CYFIP1: variants seen among roughly 807,000 people sequenced by gnomAD.
CYFIP1 encodes the protein cytoplasmic FMR1 interacting protein 1.
A neutral mutation model predicts 163.5 loss-of-function variants in CYFIP1; 58 were observed. That is an observed-to-expected ratio of 0.35 (90% CI 0.29 to 0.44). The LOEUF is 0.44. Ranked by LOEUF, CYFIP1 falls within the 20% of genes least tolerant of loss-of-function variation. The probability of loss-of-function intolerance (pLI) is 1.00; values close to 1 mark genes in which losing one functional copy is unlikely to be tolerated. For synonymous variants in CYFIP1, 663 were observed against 660.7 expected (o/e 1.00, Z -0.05); for missense variants, 1,338 against 1,653.8 (o/e 0.81, Z 3.31).
At chr15:22,908,465 A>T (rs939368145) in intron 21 of CYFIP1, among the ~76,000 whole-genome samples, 1 of 151,192 alleles carries the variant, frequency 6.6e-6, no homozygotes, top group Non-Finnish European at 1.5e-5. Context: ...TAGGGGTAGA[A>T]GAATTAGCAG....
intron 26 of CYFIP1, among the ~76,000 whole-genome samples, chr15:22,875,841 TAC>T (rs2059567497): frequency 1.4e-5 from 2 of 144,194 alleles, no homozygotes; most frequent in South Asian, 4.3e-4. Flanking sequence ...CAAGCTCCTT[TAC>T]AGAGGTAATA....
At chr15:22,881,620 G>C (rs767926267) in intron 25 of CYFIP1, among the ~76,000 whole-genome samples, 3 of 152,134 alleles carry the variant, frequency 2.0e-5, no homozygotes, top group Non-Finnish European at 4.4e-5. Flanking sequence ...GGGTGCCCGA[G>C]AGCGTGGTGT....
intron 25 of CYFIP1, among the ~76,000 whole-genome samples, chr15:22,880,684 T>C (rs555634289): frequency 2.8e-4 from 42 of 152,236 alleles, no homozygotes; most frequent in African/African-American, 9.9e-4. Flanking sequence ...GGGCCTAAAC[T>C]ACCCTGGGAA....
chr15:22,961,717 T>C (rs563134667), intron 1 of CYFIP1, among the ~76,000 whole-genome samples: 2 of 152,252 alleles, frequency 1.3e-5, no homozygotes, highest in Admixed American at 6.5e-5. Flanking sequence ...GCTTGGGTTG[T>C]TTGCCTGTTT....
chr15:22,883,605 C>T (rs1343476425), intron 23 of CYFIP1, among the ~76,000 whole-genome samples: 2 of 152,078 alleles, frequency 1.3e-5, no homozygotes. Flanking sequence ...ATCACAAGGT[C>T]AGGAGATGGA....
At position 22,927,886 on chromosome 15, in the gene CYFIP1, G is replaced by C. The variant is rs775741801; in HGVS notation, c.1233+20C>G. 2 of 1,586,848 alleles carry C rather than the reference G, an allele frequency of 1.3e-6. No individual in the cohort carries two copies. Among genetic ancestry groups the C allele is most frequent in the Middle Eastern group, 1.7e-4 (1 of 5,948 alleles). ...CCGAGGCAGCTTTGGAGCGGGGCTGGGGTCGGGGACGGGGCCTACCACTTC... is the reference window on the plus strand; with the variant it reads ...CCGAGGCAGCTTTGGAGCGGGGCTGCGGTCGGGGACGGGGCCTACCACTTC... On this transcript the variant is annotated intron_variant, in intron 12 of 30. Transcript: ENST00000617928.
chr15:22,976,917 A>T (rs2063300760), intron 1 of CYFIP1, among the ~76,000 whole-genome samples: 1 of 152,098 alleles, frequency 6.6e-6, no homozygotes, highest in African/African-American at 2.4e-5. Context: ...TAAGGTCGCC[A>T]GGCCGGGCCC....
At chr15:22,918,606 T>C in intron 14 of CYFIP1, 86 bp downstream of exon 14, 1 of 1,239,524 alleles carries the variant, frequency 8.1e-7, no homozygotes, top group Non-Finnish European at 1.1e-6. Flanking sequence ...AAATCATTTT[T>C]GAGAATTTAA....
intron 1 of CYFIP1, among the ~76,000 whole-genome samples, chr15:22,964,302 ACACACACACAC>A (rs1318014179): frequency 9.7e-5 from 11 of 113,478 alleles, no homozygotes; most frequent in African/African-American, 4.0e-4. Flanking sequence ...ACACACACAC[ACACACACACAC>A]AACTGGCGGC....
chr15:22,965,729 G>C (rs765595222), intron 1 of CYFIP1, among the ~76,000 whole-genome samples: 1 of 152,150 alleles, frequency 6.6e-6, no homozygotes, highest in Non-Finnish European at 1.5e-5. Context: ...CAGGGATAAC[G>C]AATTAGGCTT....
Position 22,912,209 on chromosome 15 carries a change from C to T in CYFIP1, c.2052G>A (p.Lys684=), listed in dbSNP as rs754507006. The T allele has an allele frequency of 6.2e-6, 10 of 1,613,998 alleles. No individual in the cohort carries two copies. In the Admixed American group the frequency reaches 1.0e-4, roughly 16 times the overall value. Residue 684 remains lysine, a synonymous_variant, in exon 18 of 31, where the codon AAG becomes AAA. Coordinates refer to ENST00000617928, the MANE Select transcript of CYFIP1 (RefSeq NM_014608.6). ...CCTCAATTTCGTCGTACAGGAACTG[C>T]TTGTTGAACCTGGTGAGCGCGTAGT... is the stretch of plus-strand genomic sequence containing the variant. The part of the protein sequence containing the change: ...SAHYALTRFN[K]QFLYDEIEAE...
At chr15:22,927,813 G>C in intron 12 of CYFIP1, 93 bp downstream of exon 12, 1 of 1,311,748 alleles carries the variant, frequency 7.6e-7, no homozygotes. Context: ...TCTTTCTAGG[G>C]CCAAAGATAA....
chr15:22,867,413 C>G lies in CYFIP1; in HGVS notation c.*2615G>C. ...AACAAAAAAAAGGGCAGAAATCACC[C>G]CAAGGAACGATTTCTCAGGTTGAGA... On this transcript the variant is annotated 3_prime_UTR_variant, in exon 31 of 31. Transcript: ENST00000617928. The G allele has an allele frequency of 2.7e-6, 1 of 376,908 alleles. No homozygotes were observed. The highest frequency in any genetic ancestry group is 6.8e-4 in the Middle Eastern group (1 of 1,468). The allele number at this position is 376,908 out of a possible 1,614,324, so 23.3% of individuals were successfully genotyped here.
chr15:22,944,761 A>C, intron 4 of CYFIP1, 101 bp downstream of exon 4: 3 of 1,519,350 alleles, frequency 2.0e-6, no homozygotes, highest in South Asian at 2.2e-5. Context: ...TGGGGTGAGA[A>C]CTGGGAGGAG....
At chr15:22,890,352 G>T (rs1186440615) in intron 23 of CYFIP1, among the ~76,000 whole-genome samples, 1 of 151,436 alleles carries the variant, frequency 6.6e-6, no homozygotes, top group Non-Finnish European at 1.5e-5. Context: ...ATCCTTGCTA[G>T]AAAGAACATG....
intron 22 of CYFIP1, 34 bp downstream of exon 22, chr15:22,903,672 C>A: frequency 6.2e-7 from 1 of 1,610,896 alleles, no homozygotes; most frequent in Non-Finnish European, 8.5e-7. Context: ...CTGAGCGCCT[C>A]GCCTGTGGGC....
At chr15:22,939,990 C>T (rs1415151890) in intron 6 of CYFIP1, among the ~76,000 whole-genome samples, 2 of 152,190 alleles carry the variant, frequency 1.3e-5, no homozygotes, top group Admixed American at 6.5e-5. Flanking sequence ...CCACTGGTGT[C>T]CAAGGTCCTG....
At chr15:22,978,352 C>CAAAAAAAAAAAAAAAAAAAAAAAAA (rs397976366) in intron 1 of CYFIP1, among the ~76,000 whole-genome samples, 2 of 52,764 alleles carry the variant, frequency 3.8e-5, no homozygotes, top group East Asian at 6.9e-4. Context: ...GACTCTGTCA[C>CAAAAAAAAAAAAAAAAAAAAAAAAA]AAAAAAAAAA....
At chr15:22,894,575 C>T (rs1370494721) in intron 22 of CYFIP1, among the ~76,000 whole-genome samples, 3 of 151,472 alleles carry the variant, frequency 2.0e-5, no homozygotes, top group Non-Finnish European at 1.5e-5. Flanking sequence ...CAGGCATGAG[C>T]CACCACGCCC....
Sources: gnomAD v4.1 joint callset for allele counts (sites outside exome capture counted in the v4.1 genomes callset) on GRCh38, gnomAD v4.1.1 for gene constraint, MANE v1.5 for transcripts, NCBI Gene and HGNC (gene_info 2026-07-23, HGNC 2026-07-21) for gene names.